The following SLFN12L variants were observed in gnomAD, a reference collection of about 807,000 sequenced individuals.
SLFN12L encodes the protein schlafen family member 12 like.
Under a neutral mutation model 34.8 loss-of-function variants are expected in SLFN12L, and 34 were observed. That is an observed-to-expected ratio of 0.98 (90% confidence interval 0.74 to 1.30). The LOEUF is 1.30. Ranked by LOEUF, SLFN12L falls within the 50% of genes most tolerant of loss-of-function variation. SLFN12L has a pLI of 0.00. For missense variants in SLFN12L, 703 were observed against 696.2 expected, an observed-to-expected ratio of 1.01 and a Z score of -0.11; for synonymous variants, 259 against 247.5, an observed-to-expected ratio of 1.05 and a Z score of -0.44.
intron 2 of SLFN12L, chr17:35,514,736 C>G: frequency 5.2e-6 from 2 of 385,442 alleles, no homozygotes; most frequent in South Asian, 2.1e-5. Flanking sequence ...AGTATTTTAA[C>G]TGAGATTTTA....
intron 1 of SLFN12L, among the ~76,000 whole-genome samples, chr17:35,530,465 A>G (rs1461550603): frequency 1.6e-5 from 1 of 61,618 alleles, no homozygotes; most frequent in Admixed American, 2.0e-4. Flanking sequence ...AGAAAGAAAG[A>G]AAGAAAGAAA....
chr17:35,475,686 C>T (rs1713847507), intron 4 of SLFN12L, among the ~76,000 whole-genome samples: 1 of 151,936 alleles, frequency 6.6e-6, no homozygotes, highest in African/African-American at 2.4e-5. Flanking sequence ...ATCACTTGTG[C>T]CCAGGTGTTC....
chr17:35,506,807 C>T (rs1434242717), intron 2 of SLFN12L, among the ~76,000 whole-genome samples: 2 of 152,126 alleles, frequency 1.3e-5, no homozygotes, highest in Admixed American at 6.5e-5. Context: ...AAATTCCCAG[C>T]TCAAAAGACT....
chr17:35,476,324 G>C (rs887712573), intron 4 of SLFN12L, among the ~76,000 whole-genome samples: 1 of 152,046 alleles, frequency 6.6e-6, no homozygotes, highest in African/African-American at 2.4e-5. Flanking sequence ...ACTAGGGCTG[G>C]GTGTGGTGGC....
intron 2 of SLFN12L, among the ~76,000 whole-genome samples, chr17:35,503,204 A>C (rs749722546): frequency 1.3e-5 from 2 of 152,214 alleles, no homozygotes; most frequent in Non-Finnish European, 2.9e-5. Flanking sequence ...AATGTTTTAA[A>C]GGTTTAAGCA....
chr17:35,501,014 C>T (rs113442893), intron 2 of SLFN12L, among the ~76,000 whole-genome samples: 20,700 of 152,218 alleles, frequency 0.14, 1,829 homozygotes, highest in South Asian at 0.26. Flanking sequence ...CTGAATAAAG[C>T]CCTTCCTTCT....
rs1915029536 is a variant in SLFN12L, at chr17:35,495,670, T to TACCCC, written c.87-15480_87-15476dup. 1.4e-4 allele frequency among the ~76,000 whole-genome samples: 10 copies of TACCCC among 72,442 alleles called. 1 individual carries two copies. The South Asian group carries it at 2.9e-3, about 21-fold the overall frequency. 47.5% of individuals were successfully genotyped at this position (72,442 alleles called of 152,430 possible). On this transcript the variant is annotated intron_variant, in intron 2 of 4. Transcript: ENST00000628453. ...AAGCTTCGGCCCGCGCCCACCTCCC[T>TACCCC]ACCCCACCCCACCCCCACCAGTCCG...
intron 2 of SLFN12L, among the ~76,000 whole-genome samples, chr17:35,513,368 A>AT (rs1915717055): frequency 6.8e-6 from 1 of 147,614 alleles, no homozygotes; most frequent in African/African-American, 2.7e-5. Context: ...CCACTATACC[A>AT]TAAAAAAAAA....
intron 2 of SLFN12L, among the ~76,000 whole-genome samples, chr17:35,511,035 C>T (rs1915625555): frequency 6.6e-6 from 1 of 152,014 alleles, no homozygotes; most frequent in African/African-American, 2.4e-5. Flanking sequence ...CTTTACTACT[C>T]TTTTGTTTTT....
chr17:35,487,217 G>A (rs998630627), intron 2 of SLFN12L, among the ~76,000 whole-genome samples: 2 of 152,222 alleles, frequency 1.3e-5, no homozygotes, highest in African/African-American at 4.8e-5. Context: ...AACACCTCAC[G>A]GGCTTGAGCC....
At chr17:35,481,152 C>T (rs1168796541) in intron 2 of SLFN12L, among the ~76,000 whole-genome samples, 4 of 152,224 alleles carry the variant, frequency 2.6e-5, no homozygotes, top group African/African-American at 9.6e-5. Flanking sequence ...GTAACACCAG[C>T]GCCAGGGAAG....
intron 2 of SLFN12L, among the ~76,000 whole-genome samples, chr17:35,491,581 A>G (rs1479219994): frequency 6.6e-6 from 1 of 152,124 alleles, no homozygotes; most frequent in African/African-American, 2.4e-5. Context: ...GCTGTGCCTG[A>G]GGGATGGGCT....
intron 2 of SLFN12L, among the ~76,000 whole-genome samples, chr17:35,495,146 C>T (rs570680781): frequency 5.9e-5 from 9 of 152,236 alleles, no homozygotes; most frequent in African/African-American, 9.6e-5. Context: ...GCAATCTGCC[C>T]GCCTTGGCCT....
chr17:35,479,805 C>T lies in SLFN12L; in HGVS notation c.477G>A (p.Pro159=). The T allele has an allele frequency of 3.1e-6, 5 of 1,610,544 alleles. No individual in the cohort carries two copies. Among genetic ancestry groups the T allele is most frequent in the Non-Finnish European group, 4.2e-6 (5 of 1,178,268 alleles). The part of the protein sequence containing the change: ...VKSWSLETSG[P]QIATLSSSLY... ...AACTGGAGCTCAACGTGGCAATCTG[C>T]GGACCAGAGGTTTCCAAGCTCCATG... The change falls in exon 3 of 5, where the codon CCG becomes CCA. Residue 159 remains proline, a synonymous_variant. Transcript: ENST00000628453.
At chr17:35,509,104 G>A (rs1246922489) in intron 2 of SLFN12L, among the ~76,000 whole-genome samples, 1 of 152,182 alleles carries the variant, frequency 6.6e-6, no homozygotes, top group East Asian at 1.9e-4. Flanking sequence ...AAGACAGGAA[G>A]TGATGTGATG....
At chr17:35,535,257 C>A (rs1399489948) in intron 1 of SLFN12L, among the ~76,000 whole-genome samples, 2 of 147,024 alleles carry the variant, frequency 1.4e-5, no homozygotes, top group East Asian at 4.0e-4. Context: ...ATGGCGTGAT[C>A]TCGGCTCACC....
In SLFN12L at chr17:35,465,128, T is replaced by C. The variant is rs1294193124; in HGVS notation, c.*9795A>G. 1.3e-5 allele frequency among the ~76,000 whole-genome samples: 2 copies of C among 152,138 alleles called. No homozygotes were observed. The highest frequency in any genetic ancestry group is 2.9e-5 in the Non-Finnish European group (2 of 68,022). On this transcript the variant is annotated 3_prime_UTR_variant, in exon 5 of 5. Coordinates refer to ENST00000628453, the MANE Select transcript of SLFN12L (RefSeq NM_001363830.2). The stretch of plus-strand genomic sequence containing the variant: ...CTCCTGGCCTCAAGTGATCCGCCTG[T>C]CTCGGCCTCCCAAAGTGCTGGGATT...
chr17:35,491,988 G>C (rs111463311), intron 2 of SLFN12L, among the ~76,000 whole-genome samples: 18,624 of 152,164 alleles, frequency 0.12, 1,319 homozygotes, highest in South Asian at 0.31. Flanking sequence ...CAATGTGTTT[G>C]TGAGTTTCTA....
chr17:35,514,116 A>T (rs899539099), intron 2 of SLFN12L, among the ~76,000 whole-genome samples: 22 of 152,220 alleles, frequency 1.4e-4, no homozygotes, highest in Non-Finnish European at 5.9e-5. Flanking sequence ...ACAAAGCTTG[A>T]TTGGGGTATA....
Sources: allele counts gnomAD v4.1 joint callset (sites outside exome capture counted in the v4.1 genomes callset), GRCh38; gene constraint gnomAD v4.1.1; transcripts MANE v1.5; gene names NCBI Gene and HGNC (gene_info 2026-07-23, HGNC 2026-07-21).